ZFAND1: variants seen among roughly 807,000 people sequenced by gnomAD.
ZFAND1 encodes the protein zinc finger AN1-type containing 1, also known as AN1-type zinc finger protein 1.
ZFAND1 carries 40 observed loss-of-function variants against 38.5 expected under a neutral mutation model. That is an observed-to-expected ratio of 1.04 (90% CI 0.81 to 1.35). The LOEUF is 1.35. Among genes scored for constraint, ZFAND1 ranks in the 40% most tolerant of loss-of-function variants. The pLI is 0.00. For missense variants in ZFAND1, 346 were observed against 316.3 expected (o/e 1.09, Z -0.71); for synonymous variants, 117 against 103.6 (o/e 1.13, Z -0.78).
intron 3 of ZFAND1, among the ~76,000 whole-genome samples, chr8:81,716,237 C>A (rs1200050530): frequency 6.6e-6 from 1 of 152,180 alleles, no homozygotes; most frequent in Non-Finnish European, 1.5e-5. Context: ...ACACATTGAA[C>A]ATGGTGGGCT....
At chr8:81,705,043 G>A (rs1208583666) in intron 6 of ZFAND1, among the ~76,000 whole-genome samples, 1 of 152,140 alleles carries the variant, frequency 6.6e-6, no homozygotes, top group Non-Finnish European at 1.5e-5. Flanking sequence ...GGCTTTCAGG[G>A]CTCCAGAAGA....
intron 1 of ZFAND1, among the ~76,000 whole-genome samples, chr8:81,719,749 A>G (rs1202924109): frequency 6.6e-6 from 1 of 152,178 alleles, no homozygotes; most frequent in Non-Finnish European, 1.5e-5. Flanking sequence ...ACTAGTCCCA[A>G]ACAGATAGGC....
At chr8:81,716,112 T>C (rs530473892) in intron 3 of ZFAND1, among the ~76,000 whole-genome samples, 3 of 152,360 alleles carry the variant, frequency 2.0e-5, no homozygotes, top group African/African-American at 7.2e-5. Context: ...AGATTTCAAC[T>C]GAACCTCATG....
At chr8:81,717,110 G>C (rs974705243) in intron 3 of ZFAND1, 139 bp downstream of exon 3, 2 of 574,170 alleles carry the variant, frequency 3.5e-6, no homozygotes, top group African/African-American at 2.0e-5. Flanking sequence ...TATAAATGAA[G>C]CAAAAGCCTC....
In ZFAND1 at chr8:81,716,183, G is replaced by A. The variant is rs1028073693; in HGVS notation, c.138+1066C>T. 5.3e-5 allele frequency among the ~76,000 whole-genome samples: 8 copies of A among 152,180 alleles called. No homozygotes were observed. In the South Asian group the frequency reaches 8.3e-4, roughly 16 times the overall value. Reference sequence around the variant, plus strand: ...TGTGAAAATATTTGGTAAAGCACTTGGTAAATGGTGGGCAGGAATAAATGT... The same window carrying A: ...TGTGAAAATATTTGGTAAAGCACTTAGTAAATGGTGGGCAGGAATAAATGT... On this transcript the variant is annotated intron_variant, in intron 3 of 7. Transcript: ENST00000220669.
In ZFAND1 at chr8:81,719,310, AACACACACACACACACAC is replaced by A. The variant is rs71268018; in HGVS notation, c.56-1104_56-1087del. Among the ~76,000 whole-genome samples, 143 of 124,936 alleles carry A rather than the reference AACACACACACACACACAC, an allele frequency of 1.1e-3. 2 individuals carry two copies. The highest frequency in any genetic ancestry group is 9.3e-3 in the South Asian group (33 of 3,552). The allele number at this position is 124,936 out of a possible 152,430, so 82.0% of individuals were successfully genotyped here. On this transcript the variant is annotated intron_variant, in intron 1 of 7. Coordinates refer to ENST00000220669, the MANE Select transcript of ZFAND1 (RefSeq NM_024699.3). Reference sequence around the variant, plus strand: ...ATGGCGAAACCCCATCTCTACTGAAAACACACACACACACACACACACACACACACACACACACACACA... The same window carrying A: ...ATGGCGAAACCCCATCTCTACTGAAAACACACACACACACACACACACACA...
At chr8:81,704,377 A>T (rs1057013340) in intron 6 of ZFAND1, among the ~76,000 whole-genome samples, 3 of 151,992 alleles carry the variant, frequency 2.0e-5, no homozygotes, top group Non-Finnish European at 2.9e-5. Context: ...TCTCTACAAA[A>T]AGCACAAAAA....
chr8:81,718,113 TTTCAGAAA>T lies in ZFAND1; in HGVS notation c.98+61_98+68del, dbSNP rs1808367696. Reference sequence around the variant, plus strand: ...AACAATTATTTTAAATCATTCTACTTTTCAGAAATAACCTCATATTAATAAACACTAAA... The same window carrying T: ...AACAATTATTTTAAATCATTCTACTTTAACCTCATATTAATAAACACTAAA... On this transcript the variant is annotated intron_variant, in intron 2 of 7. Transcript: ENST00000220669. 8 of 1,263,584 alleles carry T rather than the reference TTTCAGAAA, an allele frequency of 6.3e-6. No individual in the cohort carries two copies. The South Asian group carries it at 1.1e-4, about 18-fold the overall frequency. 78.3% of individuals were successfully genotyped at this position (1,263,584 alleles called of 1,614,324 possible). A position where few individuals can be genotyped will look rare whatever the true frequency, so the allele number is the denominator to read the frequency against.
Position 81,701,804 on chromosome 8 carries a change from G to A in ZFAND1, c.*891C>T, listed in dbSNP as rs1807820232. The A allele has an allele frequency of 6.6e-6, 1 of 152,104 alleles. No homozygotes were observed. Among genetic ancestry groups the A allele is most frequent in the Admixed American group, 6.6e-5 (1 of 15,262 alleles). The allele number at this position is 152,104 out of a possible 1,614,324, so 9.4% of individuals were successfully genotyped here. Reference sequence around the variant, plus strand: ...ACAATTAGAACAGAAAACAAAAAAAGGACAAATAGAAATACTTTCCATTCT... The same window carrying A: ...ACAATTAGAACAGAAAACAAAAAAAAGACAAATAGAAATACTTTCCATTCT... On this transcript the variant is annotated 3_prime_UTR_variant, in exon 8 of 8. Coordinates refer to ENST00000220669, the MANE Select transcript of ZFAND1 (RefSeq NM_024699.3).
chr8:81,710,921 A>G (rs542158404), intron 6 of ZFAND1, among the ~76,000 whole-genome samples: 1 of 152,350 alleles, frequency 6.6e-6, no homozygotes, highest in East Asian at 1.9e-4. Context: ...TTAAGTACAC[A>G]CATATACATA....
At chr8:81,718,820 G>A (rs532431953) in intron 1 of ZFAND1, among the ~76,000 whole-genome samples, 2 of 151,076 alleles carry the variant, frequency 1.3e-5, no homozygotes, top group East Asian at 3.9e-4. Context: ...ATAATTTGAT[G>A]TAATATATAG....
At chr8:81,718,264 A>AT in intron 1 of ZFAND1, 40 bp from the exon 2 acceptor site, 3 of 1,446,480 alleles carry the variant, frequency 2.1e-6, no homozygotes, top group Non-Finnish European at 2.8e-6. Context: ...TCAGTATCTG[A>AT]TTTTGATTTA....
At chr8:81,703,941 C>A (rs1368321628) in intron 6 of ZFAND1, among the ~76,000 whole-genome samples, 1 of 152,100 alleles carries the variant, frequency 6.6e-6, no homozygotes, top group Non-Finnish European at 1.5e-5. Flanking sequence ...ATTCATTATT[C>A]CCCATTATAT....
In ZFAND1 at chr8:81,702,717, T is replaced by C. The variant is rs774419977; in HGVS notation, c.785A>G (p.Asn262Ser). ...YLNDEEQFCK[N>S]VESYLE ...TGACTATTCCAAGTAAGATTCAACATTTTTACAGAATTGTTCTTCATCATT... is the reference window on the plus strand; with the variant it reads ...TGACTATTCCAAGTAAGATTCAACACTTTTACAGAATTGTTCTTCATCATT... The change falls in exon 8 of 8, where the codon AAT (asparagine) becomes AGT (serine). Residue 262 changes from asparagine to serine, a missense_variant. By Grantham distance (46) the Asn-to-Ser change is conservative. Coordinates refer to ENST00000220669, the MANE Select transcript of ZFAND1 (RefSeq NM_024699.3). The C allele has an allele frequency of 8.4e-6, 13 of 1,552,602 alleles. No homozygotes were observed. The highest frequency in any genetic ancestry group is 1.1e-5 in the Non-Finnish European group (13 of 1,153,500).
intron 6 of ZFAND1, among the ~76,000 whole-genome samples, chr8:81,704,038 C>A (rs1189661949): frequency 2.0e-5 from 3 of 151,862 alleles, no homozygotes; most frequent in Non-Finnish European, 4.4e-5. Flanking sequence ...TACAACATTT[C>A]TTTTTATGTG....
intron 6 of ZFAND1, among the ~76,000 whole-genome samples, chr8:81,710,746 G>T (rs949097111): frequency 6.6e-6 from 1 of 151,892 alleles, no homozygotes; most frequent in Non-Finnish European, 1.5e-5. Flanking sequence ...TTCAAAATAG[G>T]GTTAAAGGCA....
rs1183042929 is a variant in ZFAND1 at position 81,714,902 on chromosome 8, G to A, written c.267-7C>T. 6.2e-7 allele frequency: 1 copy of A among 1,614,028 alleles called. No individual in the cohort carries two copies. Among genetic ancestry groups the A allele is most frequent in the African/African-American group, 1.3e-5 (1 of 75,028 alleles). On this transcript the variant is annotated splice_region_variant and splice_polypyrimidine_tract_variant and intron_variant, in intron 4 of 7. Transcript: ENST00000220669. ...ATCTGACTGATGACGGTGTCTATGA[G>A]CAACAGAAGAGTGACACTAGTTCAT...
Position 81,714,898 on chromosome 8 carries a change from A to G in ZFAND1, c.267-3T>C, listed in dbSNP as rs372106651. ...CATGATCTGACTGATGACGGTGTCT[A>G]TGAGCAACAGAAGAGTGACACTAGT... On this transcript the variant is annotated splice_region_variant and splice_polypyrimidine_tract_variant and intron_variant, in intron 4 of 7. Transcript: ENST00000220669. The G allele has an allele frequency of 3.2e-5, 51 of 1,614,066 alleles. No homozygotes were observed. The highest frequency in any genetic ancestry group is 4.3e-5 in the Non-Finnish European group (51 of 1,179,936).
chr8:81,712,984 A>T (rs118004719), intron 6 of ZFAND1, among the ~76,000 whole-genome samples: 2,470 of 152,348 alleles, frequency 0.016, 35 homozygotes, highest in Middle Eastern at 0.027. Context: ...AAGATCAGCA[A>T]AGCCCATAAT....
Sources: gnomAD v4.1 joint callset for allele counts (sites outside exome capture counted in the v4.1 genomes callset) on GRCh38, gnomAD v4.1.1 for gene constraint, MANE v1.5 for transcripts, NCBI Gene and HGNC (gene_info 2026-07-23, HGNC 2026-07-21) for gene names.